HCN1: variants seen among roughly 807,000 people sequenced by gnomAD.
HCN1 encodes hyperpolarization activated cyclic nucleotide gated potassium channel 1.
In HCN1, 13 loss-of-function variants were observed where a neutral mutation model predicts 78.9. The observed-to-expected ratio is 0.16, with a 90% CI of 0.11 to 0.26. The LOEUF is 0.26. HCN1 is among the 10% of genes least tolerant of loss of function. HCN1 has a pLI of 1.00. For synonymous variants in HCN1, 552 were observed against 455.5 expected (o/e 1.21, Z -2.70); for missense variants, 810 against 1,154.3 (o/e 0.70, Z 4.32).
In HCN1 at chr5:45,264,918, C is replaced by T. The variant is rs1274111086; in HGVS notation, c.1784-2108G>A. 6.6e-5 allele frequency among the ~76,000 whole-genome samples: 10 copies of T among 152,212 alleles called. No homozygotes were observed. The East Asian group carries it at 1.7e-3, about 26-fold the overall frequency. On this transcript the variant is annotated intron_variant, in intron 7 of 7. Coordinates refer to ENST00000303230, the MANE Select transcript of HCN1 (RefSeq NM_021072.4). ...ATAAAAATTAACTGCAGGCTGGGCG[C>T]GGTGGCTCATGCCTGTAATTCCAGC...
intron 6 of HCN1, among the ~76,000 whole-genome samples, chr5:45,281,336 A>C (rs967900427): frequency 1.3e-5 from 2 of 151,666 alleles, no homozygotes; most frequent in South Asian, 4.2e-4. Context: ...CTCCTGCTCC[A>C]CCATGTATAG....
In HCN1 at chr5:45,259,399, A is replaced by C. The variant is rs913807847; in HGVS notation, c.*2522T>G. On this transcript the variant is annotated 3_prime_UTR_variant, in exon 8 of 8. Transcript: ENST00000303230. The stretch of plus-strand genomic sequence containing the variant: ...ATTCTATTATCTTTCCAGCAGCAGA[A>C]AGACCAATGAATAATACATTTCTTT... 1 of 152,402 alleles carries C rather than the reference A, an allele frequency of 6.6e-6. No individual in the cohort carries two copies. The highest frequency in any genetic ancestry group is 1.5e-5 in the Non-Finnish European group (1 of 67,906). 9.4% of individuals were successfully genotyped at this position (152,402 alleles called of 1,614,324 possible).
intron 3 of HCN1, among the ~76,000 whole-genome samples, chr5:45,459,455 A>G (rs7708653): frequency 0.033 from 4,922 of 151,134 alleles, 263 homozygotes; most frequent in African/African-American, 0.11. Flanking sequence ...GATATTTTGT[A>G]TAATGTCAGG....
chr5:45,608,380 T>TGTGTGTGTGC (rs1744766706), intron 2 of HCN1, among the ~76,000 whole-genome samples: 1 of 150,838 alleles, frequency 6.6e-6, no homozygotes, highest in Non-Finnish European at 1.5e-5. Flanking sequence ...TGTGTGTGTG[T>TGTGTGTGTGC]GTGTGTGTGT....
At chr5:45,689,154 C>CA (rs143293017) in intron 1 of HCN1, among the ~76,000 whole-genome samples, 10,837 of 151,828 alleles carry the variant, frequency 0.071, 567 homozygotes, top group Middle Eastern at 0.16. Context: ...AATTTTGTCT[C>CA]AAAAAAGCTG....
chr5:45,316,851 T>G (rs1746004350), intron 5 of HCN1, among the ~76,000 whole-genome samples: 1 of 152,124 alleles, frequency 6.6e-6, no homozygotes, highest in African/African-American at 2.4e-5. Flanking sequence ...GGAATCCAAT[T>G]TACAAGGGCT....
chr5:45,281,025 A>G (rs1454503691), intron 6 of HCN1, among the ~76,000 whole-genome samples: 2 of 152,102 alleles, frequency 1.3e-5, no homozygotes, highest in African/African-American at 4.8e-5. Flanking sequence ...GCAAAAAAAA[A>G]AAATACAGAA....
At chr5:45,269,574 C>T (rs531565314) in intron 6 of HCN1, among the ~76,000 whole-genome samples, 13 of 152,186 alleles carry the variant, frequency 8.5e-5, no homozygotes, top group African/African-American at 2.6e-4. Context: ...GGTAAATAGG[C>T]GGGGAGCTTG....
chr5:45,631,655 A>G (rs1745271566), intron 2 of HCN1, among the ~76,000 whole-genome samples: 1 of 152,132 alleles, frequency 6.6e-6, no homozygotes, highest in African/African-American at 2.4e-5. Context: ...CTCTGGGAAA[A>G]CACTCCAAGG....
chr5:45,621,744 A>G (rs1390509809), intron 2 of HCN1, among the ~76,000 whole-genome samples: 1 of 152,220 alleles, frequency 6.6e-6, no homozygotes, highest in Non-Finnish European at 1.5e-5. Flanking sequence ...CCCAAAAAAC[A>G]TAACGAATCT....
chr5:45,375,838 T>C (rs1452983866), intron 4 of HCN1, among the ~76,000 whole-genome samples: 1 of 121,040 alleles, frequency 8.3e-6, no homozygotes, highest in African/African-American at 3.3e-5. Flanking sequence ...ATATATCTTA[T>C]ATATAATATA....
intron 2 of HCN1, among the ~76,000 whole-genome samples, chr5:45,512,096 T>C (rs968113174): frequency 1.3e-5 from 2 of 152,130 alleles, no homozygotes; most frequent in Admixed American, 6.6e-5. Context: ...TGTGAGCAAC[T>C]AGCCAGCTTT....
intron 2 of HCN1, among the ~76,000 whole-genome samples, chr5:45,539,649 A>G (rs1437864191): frequency 2.0e-5 from 3 of 150,526 alleles, no homozygotes; most frequent in Non-Finnish European, 4.4e-5. Flanking sequence ...TGGGTGACAG[A>G]GCGAGACTCT....
At chr5:45,459,250 A>C (rs1034530239) in intron 3 of HCN1, among the ~76,000 whole-genome samples, 5 of 151,900 alleles carry the variant, frequency 3.3e-5, no homozygotes, top group African/African-American at 9.7e-5. Context: ...AAAAATAAAA[A>C]CAATAAAATA....
At chr5:45,527,274 CAG>C (rs1742756109) in intron 2 of HCN1, among the ~76,000 whole-genome samples, 1 of 136,920 alleles carries the variant, frequency 7.3e-6, no homozygotes, top group Admixed American at 7.4e-5. Flanking sequence ...GCGTATAGTA[CAG>C]AGTCAATAAA....
intron 2 of HCN1, among the ~76,000 whole-genome samples, chr5:45,553,145 C>A (rs761496961): frequency 6.6e-6 from 1 of 151,804 alleles, no homozygotes; most frequent in South Asian, 2.1e-4. Context: ...AATCACCTGC[C>A]CAGAAATCTC....
rs140186173 is a variant in HCN1 at position 45,262,035 on chromosome 5, G to C, written c.2559C>G (p.Asn853Lys). The C allele has an allele frequency of 5.0e-5, 81 of 1,613,940 alleles. No individual in the cohort carries two copies. Among genetic ancestry groups the C allele is most frequent in the Non-Finnish European group, 6.5e-5 (77 of 1,180,030 alleles). Reference protein sequence around the residue: ...RQMSSGAIPPNRGVPPAPPPP... With the variant: ...RQMSSGAIPPKRGVPPAPPPP... ...GAGGGGGTGCTGGAGGGACTCCTCG[G>C]TTCGGGGGGATGGCTCCCGACGACA... The change falls in exon 8 of 8, where the codon AAC becomes AAG. Residue 853 changes from asparagine (N) to lysine (K), a missense_variant. Physicochemically the swap from Asn to Lys is moderately conservative, Grantham distance 94. Transcript: ENST00000303230.
chr5:45,400,839 T>C (rs1164544710), intron 3 of HCN1, among the ~76,000 whole-genome samples: 1 of 152,218 alleles, frequency 6.6e-6, no homozygotes, highest in Non-Finnish European at 1.5e-5. Flanking sequence ...TTCTCCATGT[T>C]CATATAATCA....
chr5:45,523,169 T>C (rs1005078631), intron 2 of HCN1, among the ~76,000 whole-genome samples: 13 of 152,088 alleles, frequency 8.5e-5, no homozygotes, highest in African/African-American at 2.4e-4. Flanking sequence ...TCATCCATGT[T>C]CCTACAAAGG....
Sources: gnomAD v4.1 joint callset for allele counts (sites outside exome capture counted in the v4.1 genomes callset) on GRCh38, gnomAD v4.1.1 for gene constraint, MANE v1.5 for transcripts, NCBI Gene and HGNC (gene_info 2026-07-23, HGNC 2026-07-21) for gene names.